NTAQ1: variants seen among roughly 807,000 people sequenced by gnomAD.
NTAQ1 encodes N-terminal glutamine amidase 1, also known as protein N-terminal glutamine amidohydrolase.
Under a neutral mutation model 28.2 loss-of-function variants are expected in NTAQ1, and 21 were observed. The ratio of observed to expected loss-of-function variants is 0.74; its 90% confidence interval spans 0.53 to 1.07. The LOEUF is 1.07. NTAQ1 is among the 50% of genes least tolerant of loss of function. The pLI is 0.00. For missense variants in NTAQ1, 264 were observed against 256.6 expected, an observed-to-expected ratio of 1.03 and a Z score of -0.20; for synonymous variants, 105 against 90.0, an observed-to-expected ratio of 1.17 and a Z score of -0.94.
intron 3 of NTAQ1, among the ~76,000 whole-genome samples, chr8:123,433,007 TAAAAG>T (rs1419066057): frequency 2.0e-5 from 3 of 152,072 alleles, no homozygotes; most frequent in Non-Finnish European, 2.9e-5. Context: ...AACAAAAAGT[TAAAAG>T]AAAACATGCC....
At chr8:123,428,100 C>A in intron 2 of NTAQ1, 77 bp downstream of exon 2, 7 of 584,930 alleles carry the variant, frequency 1.2e-5, no homozygotes, top group African/African-American at 2.3e-5. Flanking sequence ...AAAAAAAAAG[C>A]TAAATATAGC....
chr8:123,451,207 G>A (rs901653165), downstream of NTAQ1, among the ~76,000 whole-genome samples: 6 of 152,132 alleles, frequency 3.9e-5, no homozygotes, highest in Admixed American at 6.5e-5. Context: ...TCTGAGCTCC[G>A]AGTCTGGTAA....
downstream of NTAQ1, chr8:123,448,273 A>G (rs12675497): frequency 0.36 from 55,005 of 151,998 alleles, 10,037 homozygotes; most frequent in East Asian, 0.56. Context: ...TTCAGTGCCC[A>G]TTCAAGCATG....
intron 3 of NTAQ1, 53 bp from the exon 4 acceptor site, chr8:123,436,400 G>A: frequency 6.4e-7 from 1 of 1,570,622 alleles, no homozygotes; most frequent in South Asian, 1.1e-5. Flanking sequence ...CTGAATACTG[G>A]GATTTCATCA....
chr8:123,451,494 A>G (rs1452703010), downstream of NTAQ1, among the ~76,000 whole-genome samples: 2 of 152,078 alleles, frequency 1.3e-5, no homozygotes, highest in Non-Finnish European at 2.9e-5. Context: ...ATGTGCCACC[A>G]CACCTGGCTA....
rs187190760 is a variant in NTAQ1, at chr8:123,427,789, A to G, written c.84-135A>G. 1.0e-5 allele frequency: 7 copies of G among 676,662 alleles called. No homozygotes were observed. In the East Asian group the frequency reaches 1.8e-4, roughly 17 times the overall value. 41.9% of individuals were successfully genotyped at this position (676,662 alleles called of 1,614,324 possible). A position where few individuals can be genotyped will look rare whatever the true frequency, so the allele number is the denominator to read the frequency against. On this transcript the variant is annotated intron_variant, in intron 1 of 5. Transcript: ENST00000287387. ...TTGGGATGTTTTAGAGGAGATTCAGACATTAGCCAGTTGTTGGATGACATG... is the reference window on the plus strand; with the variant it reads ...TTGGGATGTTTTAGAGGAGATTCAGGCATTAGCCAGTTGTTGGATGACATG...
chr8:123,426,027 TC>T (rs1477132487), intron 1 of NTAQ1, among the ~76,000 whole-genome samples: 1 of 151,616 alleles, frequency 6.6e-6, no homozygotes, highest in African/African-American at 2.4e-5. Context: ...CCGTCCCCGC[TC>T]CCCCCTGCAA....
At chr8:123,449,948 T>C (rs1463962584), downstream of NTAQ1, among the ~76,000 whole-genome samples, 34 of 20,702 alleles carry the variant, frequency 1.6e-3, 2 homozygotes, top group African/African-American at 3.2e-3. Flanking sequence ...TGTGTGTGTG[T>C]GCATATATAT....
intron 6 of NTAQ1, among the ~76,000 whole-genome samples, chr8:123,457,755 T>C (rs1815689903): frequency 1.3e-5 from 2 of 152,070 alleles, no homozygotes; most frequent in South Asian, 4.1e-4. Flanking sequence ...TAGAATTGAC[T>C]GGGCGCAGTG....
At chr8:123,454,303 A>G (rs757690857) in intron 6 of NTAQ1, among the ~76,000 whole-genome samples, 2 of 152,182 alleles carry the variant, frequency 1.3e-5, no homozygotes, top group Non-Finnish European at 2.9e-5. Context: ...ACAGTCATTC[A>G]TAGTGAAGTT....
At chr8:123,419,988 GT>G in intron 1 of NTAQ1, among the ~76,000 whole-genome samples, 1 of 152,074 alleles carries the variant, frequency 6.6e-6, no homozygotes, top group African/African-American at 2.4e-5. Context: ...TGTGTTGGGG[GT>G]TTGGTGTACA....
chr8:123,436,203 T>G (rs929952183), intron 3 of NTAQ1, among the ~76,000 whole-genome samples: 5 of 147,456 alleles, frequency 3.4e-5, no homozygotes, highest in African/African-American at 1.0e-4. Flanking sequence ...TTCCTAGAGG[T>G]AAAATTGCAG....
chr8:123,436,159 G>A (rs1267038850), intron 3 of NTAQ1, among the ~76,000 whole-genome samples: 1 of 115,700 alleles, frequency 8.6e-6, no homozygotes, highest in Non-Finnish European at 1.7e-5. Flanking sequence ...ACGAGAGTAA[G>A]ACTCCATCTC....
At chr8:123,426,032 C>A (rs1442719089) in intron 1 of NTAQ1, among the ~76,000 whole-genome samples, 2 of 152,034 alleles carry the variant, frequency 1.3e-5, no homozygotes, top group South Asian at 4.2e-4. Flanking sequence ...CCCGCTCCCC[C>A]CTGCAAAAAA....
chr8:123,454,968 T>C (rs1815605145), intron 6 of NTAQ1: 1 of 152,146 alleles, frequency 6.6e-6, no homozygotes, highest in Non-Finnish European at 1.5e-5. Context: ...GCATGGTGAT[T>C]AGGAAAAGGA....
At chr8:123,440,146 C>CTTTTTTTTTTTTTTTTT (rs577877415) in intron 5 of NTAQ1, among the ~76,000 whole-genome samples, 1 of 56,572 alleles carries the variant, frequency 1.8e-5, no homozygotes, top group African/African-American at 7.5e-5. Flanking sequence ...GGATTAACTC[C>CTTTTTTTTTTTTTTTTT]TTTTTTTTTT....
intron 3 of NTAQ1, among the ~76,000 whole-genome samples, chr8:123,434,839 G>GT (rs529319782): frequency 3.7e-4 from 57 of 152,260 alleles, no homozygotes; most frequent in African/African-American, 1.4e-3. Flanking sequence ...TTGGGAGGCA[G>GT]TGGTGGACTG....
intron 1 of NTAQ1, among the ~76,000 whole-genome samples, chr8:123,421,042 C>A (rs1166378217): frequency 1.3e-5 from 2 of 150,178 alleles, no homozygotes; most frequent in East Asian, 4.0e-4. Context: ...GCCTCGGCCT[C>A]CCAAAGTGCT....
intron 6 of NTAQ1, among the ~76,000 whole-genome samples, chr8:123,453,865 A>G (rs563808861): frequency 2.0e-5 from 3 of 152,358 alleles, no homozygotes; most frequent in African/African-American, 2.4e-5. Context: ...AGAAAGCCAC[A>G]TAGCTAGTGA....
Sources: allele counts gnomAD v4.1 joint callset (sites outside exome capture counted in the v4.1 genomes callset), GRCh38; gene constraint gnomAD v4.1.1; transcripts MANE v1.5; gene names NCBI Gene and HGNC (gene_info 2026-07-23, HGNC 2026-07-21).